Variants in RASGRF2 observed in about 807,000 individuals in gnomAD.
RASGRF2 encodes the protein Ras protein specific guanine nucleotide releasing factor 2, also known as ras-specific guanine nucleotide-releasing factor 2.
RASGRF2 carries 76 observed loss-of-function variants against 151.0 expected under a neutral mutation model. The ratio of observed to expected loss-of-function variants is 0.50; its 90% CI spans 0.42 to 0.61. RASGRF2 has a LOEUF of 0.61. Ranked by LOEUF, RASGRF2 falls within the 20% of genes least tolerant of loss-of-function variation. The pLI, the probability that RASGRF2 is intolerant of heterozygous loss-of-function variation, is 0.00. For missense variants in RASGRF2, 1,148 were observed against 1,564.6 expected (o/e 0.73, Z 4.49); for synonymous variants, 504 against 566.5 (o/e 0.89, Z 1.57).
chr5:80,995,754 G>A (rs1218778849), intron 1 of RASGRF2, among the ~76,000 whole-genome samples: 1 of 144,598 alleles, frequency 6.9e-6, no homozygotes, highest in Admixed American at 7.2e-5. Flanking sequence ...GTGCAGTGGG[G>A]TGATCTCATG....
intron 3 of RASGRF2, 42 bp from the exon 4 acceptor site, chr5:81,070,450 A>G: frequency 6.7e-7 from 1 of 1,490,876 alleles, no homozygotes; most frequent in East Asian, 2.3e-5. Flanking sequence ...GCTATAATCC[A>G]GCATTTCCCA....
intron 9 of RASGRF2, among the ~76,000 whole-genome samples, chr5:81,088,827 A>AT (rs954552563): frequency 1.3e-5 from 2 of 152,100 alleles, no homozygotes; most frequent in Middle Eastern, 3.4e-3. Flanking sequence ...ACTGAATGTC[A>AT]TTTTTTTTCA....
intron 1 of RASGRF2, among the ~76,000 whole-genome samples, chr5:80,969,413 C>T (rs185954450): frequency 1.6e-3 from 236 of 151,076 alleles, no homozygotes; most frequent in South Asian, 2.1e-3. Flanking sequence ...GGTTTACAGG[C>T]GTGAGCCACC....
At chr5:81,041,807 G>T (rs1750686219) in intron 1 of RASGRF2, among the ~76,000 whole-genome samples, 1 of 152,184 alleles carries the variant, frequency 6.6e-6, no homozygotes, top group East Asian at 1.9e-4. Context: ...TCAGTATGTA[G>T]AACCATTTTA....
intron 11 of RASGRF2, among the ~76,000 whole-genome samples, 160 bp from the exon 12 acceptor site, chr5:81,094,696 C>G (rs1049093165): frequency 1.2e-4 from 19 of 152,096 alleles, no homozygotes; most frequent in African/African-American, 4.6e-4. Flanking sequence ...TGCTTATGAG[C>G]TTAATAAAGC....
At position 81,073,444 on chromosome 5, in the gene RASGRF2, T is replaced by C. The variant is rs773002380; in HGVS notation, c.879T>C (p.Phe293=). ...PISHDDVSSI[F]LNSETIMFLH... is the part of the protein sequence containing the mutation. ...GCCACGACGACGTCAGCAGTATTTT[T>C]CTTAACAGGTTTGACATTGCATAAA... The change falls in exon 5 of 27, where the codon TTT becomes TTC. Residue 293 remains phenylalanine, a synonymous_variant. Transcript: ENST00000265080. 1.9e-6 allele frequency: 3 copies of C among 1,613,906 alleles called. No individual in the cohort carries two copies. Among genetic ancestry groups the C allele is most frequent in the South Asian group, 2.2e-5 (2 of 91,062 alleles).
At chr5:81,016,169 T>A (rs368903085) in intron 1 of RASGRF2, among the ~76,000 whole-genome samples, 47 of 152,282 alleles carry the variant, frequency 3.1e-4, no homozygotes, top group African/African-American at 1.1e-3. Context: ...TCCACGTCAA[T>A]CCCTAGCTGG....
chr5:81,114,352 G>C (rs1381701936), intron 15 of RASGRF2, among the ~76,000 whole-genome samples: 1 of 152,184 alleles, frequency 6.6e-6, no homozygotes, highest in East Asian at 1.9e-4. Context: ...TGTACCTCCA[G>C]CCTTTCCCTG....
intron 17 of RASGRF2, among the ~76,000 whole-genome samples, chr5:81,133,603 A>G (rs899866640): frequency 1.3e-5 from 2 of 152,206 alleles, no homozygotes; most frequent in African/African-American, 4.8e-5. Flanking sequence ...TATAAAATGC[A>G]GTATGAAAGT....
chr5:81,129,557 T>C (rs1048640916), intron 17 of RASGRF2, among the ~76,000 whole-genome samples: 19 of 152,198 alleles, frequency 1.2e-4, no homozygotes, highest in African/African-American at 4.3e-4. Context: ...GGGATGTGCT[T>C]TGCCCCAAAT....
intron 3 of RASGRF2, 115 bp downstream of exon 3, chr5:81,068,294 A>G: frequency 8.1e-7 from 1 of 1,229,488 alleles, no homozygotes; most frequent in East Asian, 2.4e-5. Context: ...TTCCTCTGAC[A>G]TCAACACATA....
At chr5:81,218,472 C>T (rs1169111880) in intron 25 of RASGRF2, among the ~76,000 whole-genome samples, 3 of 152,130 alleles carry the variant, frequency 2.0e-5, no homozygotes, top group African/African-American at 7.2e-5. Context: ...CCCCACCTTA[C>T]GTTTTTGTTT....
chr5:81,207,469 C>G (rs12653043), intron 21 of RASGRF2, 120 bp downstream of exon 21: 43,391 of 800,512 alleles, frequency 0.054, 3,322 homozygotes, highest in East Asian at 0.29. Context: ...GAGTATCTAC[C>G]AGTTGTTTCC....
chr5:81,039,038 T>A (rs995494589), intron 1 of RASGRF2, among the ~76,000 whole-genome samples: 1 of 152,210 alleles, frequency 6.6e-6, no homozygotes, highest in African/African-American at 2.4e-5. Context: ...GGGCTTTGTG[T>A]CTTGTTTAAC....
At position 81,112,835 on chromosome 5, in the gene RASGRF2, G is replaced by A. The variant is rs1345528341; in HGVS notation, c.2064G>A (p.Arg688=). Residue 688 remains arginine (R), a synonymous_variant, in exon 14 of 27, where the codon AGG becomes AGA. Transcript: ENST00000265080. ...GGAAACTCTCCGACATATACAAGAG[G>A]CCTTTCACCTCCATCCCTGTCAGGT... ...VLGKLSDIYK[R]PFTSIPVRSL... 2 of 1,613,950 alleles carry A rather than the reference G, an allele frequency of 1.2e-6. No homozygotes were observed. Among genetic ancestry groups the A allele is most frequent in the African/African-American group, 1.3e-5 (1 of 74,904 alleles).
chr5:80,989,064 A>G (rs571696624), intron 1 of RASGRF2, among the ~76,000 whole-genome samples: 19 of 151,202 alleles, frequency 1.3e-4, no homozygotes, highest in Non-Finnish European at 1.9e-4. Flanking sequence ...TGCAACCTCC[A>G]CCTCCGGGAT....
intron 18 of RASGRF2, among the ~76,000 whole-genome samples, chr5:81,186,959 T>C (rs1755038854): frequency 6.6e-6 from 1 of 152,212 alleles, no homozygotes; most frequent in African/African-American, 2.4e-5. Context: ...TTAATGCCAC[T>C]TTTTCCTCTG....
chr5:81,201,959 G>A (rs1028059560), intron 19 of RASGRF2, among the ~76,000 whole-genome samples: 1 of 150,752 alleles, frequency 6.6e-6, no homozygotes, highest in African/African-American at 2.4e-5. Flanking sequence ...TCCACATCAC[G>A]TAGGTGGTAT....
intron 1 of RASGRF2, among the ~76,000 whole-genome samples, chr5:80,989,446 G>A (rs904193680): frequency 6.6e-6 from 1 of 152,268 alleles, no homozygotes; most frequent in South Asian, 2.1e-4. Context: ...TGATGATTTT[G>A]CTCATTTCTG....
Sources: gnomAD v4.1 joint callset for allele counts (sites outside exome capture counted in the v4.1 genomes callset) on GRCh38, gnomAD v4.1.1 for gene constraint, MANE v1.5 for transcripts, NCBI Gene and HGNC (gene_info 2026-07-23, HGNC 2026-07-21) for gene names.